DDR2: variants seen among roughly 807,000 people sequenced by gnomAD.
The protein encoded by DDR2 is discoidin domain receptor tyrosine kinase 2.
DDR2 carries 27 observed loss-of-function variants against 94.9 expected under a neutral mutation model. The ratio of observed to expected loss-of-function variants is 0.28; its 90% CI spans 0.21 to 0.39. The LOEUF (loss-of-function observed/expected upper bound fraction) is 0.39, where lower values mean the gene tolerates loss of function less well. Among genes scored for constraint, DDR2 ranks in the 10% least tolerant of loss-of-function variants. The pLI is 1.00. For missense variants in DDR2, 783 were observed against 1,076.0 expected (o/e 0.73, Z 3.81); for synonymous variants, 382 against 377.2 (o/e 1.01, Z -0.15).
At chr1:162,722,966 A>G (rs749369399) in intron 3 of DDR2, among the ~76,000 whole-genome samples, 13 of 152,220 alleles carry the variant, frequency 8.5e-5, no homozygotes, top group Non-Finnish European at 1.9e-4. Context: ...TCCCAGGCTC[A>G]GGGATGTGAA....
intron 2 of DDR2, among the ~76,000 whole-genome samples, chr1:162,666,338 A>T (rs573102053): frequency 6.6e-6 from 1 of 152,346 alleles, no homozygotes; most frequent in South Asian, 2.1e-4. Context: ...GCTGGGACCA[A>T]GTATGGTGCT....
intron 3 of DDR2, among the ~76,000 whole-genome samples, chr1:162,742,774 A>G (rs962541203): frequency 6.6e-6 from 1 of 152,210 alleles, no homozygotes; most frequent in South Asian, 2.1e-4. Flanking sequence ...TTGGATTTAC[A>G]GTTCCACATA....
In DDR2 at chr1:162,754,873, C is replaced by A. The variant is rs2102135360; in HGVS notation, c.417+18C>A. ...GGAAACAGGTAGGAAGAAGAGACAT[C>A]CAGATCCTGGATGTCCAAGACCATA... On this transcript the variant is annotated intron_variant, in intron 5 of 17. Transcript: ENST00000367921. The A allele has an allele frequency of 6.2e-7, 1 of 1,613,332 alleles. No homozygotes were observed. The highest frequency in any genetic ancestry group is 8.5e-7 in the Non-Finnish European group (1 of 1,179,492).
intron 3 of DDR2, among the ~76,000 whole-genome samples, chr1:162,751,086 G>T: frequency 6.6e-6 from 1 of 152,128 alleles, no homozygotes; most frequent in East Asian, 1.9e-4. Flanking sequence ...ATAGGCATGG[G>T]CAAGGACTTC....
intron 10 of DDR2, among the ~76,000 whole-genome samples, chr1:162,766,798 C>A (rs1217487648): frequency 6.6e-6 from 1 of 152,106 alleles, no homozygotes; most frequent in Non-Finnish European, 1.5e-5. Flanking sequence ...CTTTGGGAGG[C>A]AGAGGCAGGC....
At chr1:162,633,996 A>T (rs1656690683) in intron 1 of DDR2, among the ~76,000 whole-genome samples, 1 of 152,232 alleles carries the variant, frequency 6.6e-6, no homozygotes, top group South Asian at 2.1e-4. Context: ...TTTGAAACTC[A>T]TGTATATCTG....
At chr1:162,713,186 C>T (rs1266376738) in intron 2 of DDR2, among the ~76,000 whole-genome samples, 1 of 152,126 alleles carries the variant, frequency 6.6e-6, no homozygotes, top group Admixed American at 6.5e-5. Flanking sequence ...TTTCTTCTTC[C>T]ACTCTATTCA....
chr1:162,776,479 A>C, intron 16 of DDR2, 109 bp downstream of exon 16: 1 of 923,286 alleles, frequency 1.1e-6, no homozygotes, highest in Non-Finnish European at 1.7e-6. Context: ...AATAGACTGT[A>C]GTATTTTCTC....
At chr1:162,728,097 C>G (rs942355317) in intron 3 of DDR2, among the ~76,000 whole-genome samples, 4 of 136,782 alleles carry the variant, frequency 2.9e-5, no homozygotes, top group African/African-American at 1.1e-4. Flanking sequence ...TATAATCACA[C>G]TATATATATC....
intron 3 of DDR2, among the ~76,000 whole-genome samples, chr1:162,734,988 C>T (rs753362575): frequency 5.9e-5 from 9 of 152,044 alleles, no homozygotes; most frequent in South Asian, 2.1e-4. Context: ...ATGGAGGTTG[C>T]GCACTGCATG....
intron 9 of DDR2, among the ~76,000 whole-genome samples, chr1:162,762,775 CATT>C (rs1283527484): frequency 1.3e-5 from 2 of 152,066 alleles, no homozygotes; most frequent in East Asian, 3.8e-4. Context: ...TTTTTGGTAT[CATT>C]ATAAACTCAT....
chr1:162,735,492 T>A (rs957356815), intron 3 of DDR2, among the ~76,000 whole-genome samples: 3 of 152,216 alleles, frequency 2.0e-5, no homozygotes, highest in Non-Finnish European at 4.4e-5. Flanking sequence ...AAATGGAGAC[T>A]GATAATTAGC....
At chr1:162,665,741 G>T (rs1302396503) in intron 2 of DDR2, among the ~76,000 whole-genome samples, 1 of 152,026 alleles carries the variant, frequency 6.6e-6, no homozygotes, top group Non-Finnish European at 1.5e-5. Flanking sequence ...TTTGTTTATG[G>T]TCTGTTAATC....
At chr1:162,770,615 C>A in intron 12 of DDR2, 103 bp downstream of exon 12, 1 of 1,143,238 alleles carries the variant, frequency 8.7e-7, no homozygotes, top group Non-Finnish European at 1.3e-6. Flanking sequence ...TTTTTAGTCT[C>A]TGCTAACCTC....
At position 162,784,277 on chromosome 1, in the gene DDR2, G is replaced by A. The variant is rs534957600; in HGVS notation, c.*4031G>A. The A allele has an allele frequency of 7.8e-5, 12 of 154,392 alleles. No individual in the cohort carries two copies. The highest frequency in any genetic ancestry group is 1.6e-4 in the Non-Finnish European group (11 of 68,180). 9.6% of individuals were successfully genotyped at this position (154,392 alleles called of 1,614,324 possible). On this transcript the variant is annotated 3_prime_UTR_variant, in exon 18 of 18. Coordinates refer to ENST00000367921, the MANE Select transcript of DDR2 (RefSeq NM_006182.4). ...CAAGGAAGTATGCTGAAACAGAACA[G>A]TGAATGTTTTGCCCAAAACTACAAA...
intron 3 of DDR2, among the ~76,000 whole-genome samples, chr1:162,720,997 A>T (rs1661393391): frequency 6.6e-6 from 1 of 152,214 alleles, no homozygotes. Context: ...CTTTCTCGTA[A>T]TAAGCTCAGC....
chr1:162,686,393 G>A (rs1003772374), intron 2 of DDR2, among the ~76,000 whole-genome samples: 1 of 151,996 alleles, frequency 6.6e-6, no homozygotes, highest in Admixed American at 6.6e-5. Flanking sequence ...ACAGGCCCTG[G>A]TGTGTGATAT....
chr1:162,737,170 T>A (rs1428619352), intron 3 of DDR2, among the ~76,000 whole-genome samples: 2 of 127,286 alleles, frequency 1.6e-5, no homozygotes, highest in Non-Finnish European at 3.6e-5. Flanking sequence ...TTTTTTTTTT[T>A]ATTATACTTT....
chr1:162,760,537 G>T (rs199942445), intron 8 of DDR2, among the ~76,000 whole-genome samples: 42 of 78,824 alleles, frequency 5.3e-4, no homozygotes, highest in African/African-American at 1.9e-3. Flanking sequence ...TATACAACTA[G>T]ATATATGTAT....
Sources: gnomAD v4.1 joint callset for allele counts (sites outside exome capture counted in the v4.1 genomes callset) on GRCh38, gnomAD v4.1.1 for gene constraint, MANE v1.5 for transcripts, NCBI Gene and HGNC (gene_info 2026-07-23, HGNC 2026-07-21) for gene names.